Variants in SLC25A30 observed in about 807,000 individuals in gnomAD.
The protein encoded by SLC25A30 is solute carrier family 25 member 30.
Under a neutral mutation model 42.7 loss-of-function variants are expected in SLC25A30, and 29 were observed. The observed-to-expected ratio is 0.68, with a 90% confidence interval of 0.51 to 0.93. The LOEUF (loss-of-function observed/expected upper bound fraction) is 0.93, where lower values mean the gene tolerates loss of function less well. Among genes scored for constraint, SLC25A30 ranks in the 40% least tolerant of loss-of-function variants. SLC25A30 has a pLI of 0.00. For missense variants in SLC25A30, 300 were observed against 359.7 expected (o/e 0.83, Z 1.34); for synonymous variants, 124 against 131.0 (o/e 0.95, Z 0.37).
chr13:45,423,621 T>C, the SLC25A30 span, among the ~76,000 whole-genome samples: 9 of 104,236 alleles, frequency 8.6e-5, 1 homozygote, highest in Admixed American at 6.9e-4. Context: ...ATATAAAATA[T>C]ATATATATAA....
At chr13:45,399,188 T>C in intron 7 of SLC25A30, 110 bp from the exon 8 acceptor site, 1 of 1,191,164 alleles carries the variant, frequency 8.4e-7, no homozygotes, top group Non-Finnish European at 1.2e-6. Context: ...TTCTTGTTTG[T>C]GGTTTTCGTG....
chr13:45,422,664 C>T (rs74403209), upstream of SLC25A30, among the ~76,000 whole-genome samples: 767 of 152,162 alleles, frequency 5.0e-3, 8 homozygotes, highest in African/African-American at 0.017. Context: ...GGCAATAGTA[C>T]TGAAGTTTTA....
intron 3 of SLC25A30, 109 bp from the exon 4 acceptor site, chr13:45,406,086 C>A: frequency 1.1e-6 from 1 of 947,932 alleles, no homozygotes; most frequent in Non-Finnish European, 1.6e-6. Flanking sequence ...TTCTCTAAAA[C>A]AATTTTTTTT....
chr13:45,408,840 A>C, intron 3 of SLC25A30, 87 bp downstream of exon 3: 4 of 1,230,148 alleles, frequency 3.3e-6, no homozygotes, highest in Non-Finnish European at 4.3e-6. Context: ...CAAACTTTTT[A>C]CTTGTGATCT....
intron 2 of SLC25A30, 49 bp from the exon 3 acceptor site, chr13:45,409,123 T>A: frequency 1.4e-6 from 2 of 1,449,886 alleles, no homozygotes; most frequent in Non-Finnish European, 1.9e-6. Flanking sequence ...TTCCACTAAA[T>A]AAAGGATACG....
the SLC25A30 span, among the ~76,000 whole-genome samples, chr13:45,424,843 T>TATATATACATATGTATAAATATATAAAA: frequency 5.8e-5 from 3 of 51,438 alleles, no homozygotes; most frequent in Admixed American, 3.7e-4. Flanking sequence ...TATATAAAAA[T>TATATATACATATGTATAAATATATAAAA]ATATATAAAT....
the SLC25A30 span, among the ~76,000 whole-genome samples, chr13:45,425,093 TATTTATAA>T: frequency 1.1e-4 from 3 of 26,740 alleles, no homozygotes; most frequent in East Asian, 9.7e-4. Context: ...TATATAAATA[TATTTATAA>T]ATATATAAAT....
chr13:45,424,114 TAA>T, the SLC25A30 span, among the ~76,000 whole-genome samples: 4 of 84,566 alleles, frequency 4.7e-5, no homozygotes, highest in Non-Finnish European at 8.2e-5. Flanking sequence ...AAAATATATA[TAA>T]ATATATATAA....
At chr13:45,423,510 T>TTA in the SLC25A30 span, among the ~76,000 whole-genome samples, 1 of 129,598 alleles carries the variant, frequency 7.7e-6, no homozygotes, top group African/African-American at 2.9e-5. Flanking sequence ...TAAGAATAGT[T>TTA]TATATATATA....
chr13:45,402,661 T>G (rs967506831), intron 5 of SLC25A30: 2 of 454,626 alleles, frequency 4.4e-6, no homozygotes, highest in African/African-American at 1.1e-4. Context: ...AAAAAAGTCT[T>G]TCTAGGATAG....
the SLC25A30 span, among the ~76,000 whole-genome samples, chr13:45,425,100 A>C: frequency 2.4e-5 from 2 of 84,916 alleles, no homozygotes; most frequent in Admixed American, 4.0e-4. Context: ...ATATATTTAT[A>C]AATATATAAA....
chr13:45,419,571 G>T (rs1453567325), upstream of SLC25A30, among the ~76,000 whole-genome samples: 1 of 149,946 alleles, frequency 6.7e-6, no homozygotes, highest in South Asian at 2.1e-4. Flanking sequence ...CGCCTGCCTC[G>T]GCCTCCCAAA....
At chr13:45,423,876 T>C in the SLC25A30 span, among the ~76,000 whole-genome samples, 1 of 71,948 alleles carries the variant, frequency 1.4e-5, no homozygotes, top group Non-Finnish European at 2.5e-5. Context: ...ATATAAAATA[T>C]ATAAAAATAT....
chr13:45,410,186 C>T (rs767692422), intron 2 of SLC25A30, among the ~76,000 whole-genome samples: 7 of 152,186 alleles, frequency 4.6e-5, no homozygotes, highest in Non-Finnish European at 7.3e-5. Flanking sequence ...GGAACCCAAC[C>T]GATGAGGAAG....
rs1038861958 is a variant in SLC25A30 at position 45,394,230 on chromosome 13, C to A, written c.*1744G>T. On this transcript the variant is annotated 3_prime_UTR_variant, in exon 10 of 10. Transcript: ENST00000519676. ...TGAGTCTCAGCAATTAACAGGTAAC[C>A]CTACCCCACTGCACCCCGCCCCCGC... The A allele has an allele frequency of 8.1e-6, 8 of 984,994 alleles. No homozygotes were observed. Among genetic ancestry groups the A allele is most frequent in the Non-Finnish European group, 9.6e-6 (8 of 829,798 alleles). The allele number at this position is 984,994 out of a possible 1,614,324, so 61.0% of individuals were successfully genotyped here.
rs1010294350 is a variant in SLC25A30 at position 45,393,710 on chromosome 13, C to T, written c.*2264G>A. On this transcript the variant is annotated 3_prime_UTR_variant, in exon 10 of 10. Transcript: ENST00000519676. ...TCTTGGTTAGAAGCTTCAACAATTG[C>T]ATTAACTCTTTCAAAAAAACAGAAA... 2.0e-6 allele frequency: 2 copies of T among 985,268 alleles called. No individual in the cohort carries two copies. Among genetic ancestry groups the T allele is most frequent in the African/African-American group, 1.7e-5 (1 of 57,240 alleles). The allele number at this position is 985,268 out of a possible 1,614,324, so 61.0% of individuals were successfully genotyped here.
the SLC25A30 span, among the ~76,000 whole-genome samples, chr13:45,423,678 T>TATAAA: frequency 5.1e-5 from 1 of 19,674 alleles, no homozygotes; most frequent in African/African-American, 4.5e-4. Flanking sequence ...AAATACATAT[T>TATAAA]TATATAAATA....
chr13:45,425,817 A>C, the SLC25A30 span, among the ~76,000 whole-genome samples: 2 of 144,390 alleles, frequency 1.4e-5, no homozygotes, highest in Non-Finnish European at 3.0e-5. Context: ...CTCAGCCTCC[A>C]GAGTAGCTGG....
intron 3 of SLC25A30, 86 bp from the exon 4 acceptor site, chr13:45,406,063 T>C (rs1422428898): frequency 8.4e-7 from 1 of 1,194,824 alleles, no homozygotes. Context: ...GTGCCATCCA[T>C]AATCAAACTA....
Sources: gnomAD v4.1 joint callset for allele counts (sites outside exome capture counted in the v4.1 genomes callset) on GRCh38, gnomAD v4.1.1 for gene constraint, MANE v1.5 for transcripts, NCBI Gene and HGNC (gene_info 2026-07-23, HGNC 2026-07-21) for gene names.